CCSER1: variants seen among roughly 807,000 people sequenced by gnomAD.
The protein encoded by CCSER1 is coiled-coil serine rich protein 1, also known as serine-rich coiled-coil domain-containing protein 1.
In CCSER1, 41 loss-of-function variants were observed where a neutral mutation model predicts 82.0. The observed-to-expected ratio is 0.50, with a 90% CI of 0.39 to 0.65. The LOEUF is 0.65. CCSER1 is among the 30% of genes least tolerant of loss of function. The probability of loss-of-function intolerance (pLI) is 0.00; values close to 1 mark genes in which losing one functional copy is unlikely to be tolerated. For synonymous variants in CCSER1, 414 were observed against 383.9 expected (o/e 1.08, Z -0.92); for missense variants, 1,119 against 1,064.2 (o/e 1.05, Z -0.72).
chr4:91,327,620 T>C (rs1746663049), intron 10 of CCSER1, among the ~76,000 whole-genome samples: 1 of 152,258 alleles, frequency 6.6e-6, no homozygotes, highest in African/African-American at 2.4e-5. Flanking sequence ...TGCAAATTTC[T>C]GTAGTTGACT....
At chr4:90,624,949 A>T (rs573965099) in intron 5 of CCSER1, among the ~76,000 whole-genome samples, 1 of 152,234 alleles carries the variant, frequency 6.6e-6, no homozygotes, top group Admixed American at 6.5e-5. Context: ...TTTTGTTTGG[A>T]GTAGTTATGG....
chr4:90,372,008 A>C (rs78821298), intron 3 of CCSER1, among the ~76,000 whole-genome samples: 15,112 of 152,242 alleles, frequency 0.099, 927 homozygotes, highest in Middle Eastern at 0.17. Flanking sequence ...ATATTAACCC[A>C]TACCTGTGGT....
intron 5 of CCSER1, among the ~76,000 whole-genome samples, chr4:90,497,333 C>G (rs996481494): frequency 9.9e-5 from 15 of 152,036 alleles, no homozygotes; most frequent in Non-Finnish European, 1.6e-4. Flanking sequence ...AAAAAGAAGC[C>G]TGTTTGTATT....
At chr4:91,063,837 T>G (rs189466243) in intron 9 of CCSER1, among the ~76,000 whole-genome samples, 32 of 152,302 alleles carry the variant, frequency 2.1e-4, no homozygotes, top group African/African-American at 7.5e-4. Context: ...TGGAAAAGTT[T>G]TATTATTCCA....
chr4:90,460,347 T>TAAAAAAAAAAAAAAAAA (rs1762739392), intron 4 of CCSER1, among the ~76,000 whole-genome samples: 1 of 117,226 alleles, frequency 8.5e-6, no homozygotes, highest in African/African-American at 3.9e-5. Flanking sequence ...AAAAAAAAAC[T>TAAAAAAAAAAAAAAAAA]AAGGCAAGAA....
intron 5 of CCSER1, among the ~76,000 whole-genome samples, chr4:90,556,981 A>C (rs546038841): frequency 6.6e-6 from 1 of 152,020 alleles, no homozygotes; most frequent in East Asian, 1.9e-4. Flanking sequence ...AACATTCAAT[A>C]ACAACTTGTT....
chr4:91,581,365 T>G lies in CCSER1; in HGVS notation c.2218-17207T>G, dbSNP rs149312083. Among the ~76,000 whole-genome samples, 14 of 151,860 alleles carry G rather than the reference T, an allele frequency of 9.2e-5. No individual in the cohort carries two copies. The East Asian group carries it at 2.1e-3, about 23-fold the overall frequency. On this transcript the variant is annotated intron_variant, in intron 10 of 10. Transcript: ENST00000509176. The stretch of plus-strand genomic sequence containing the variant: ...GCAAATTTTGCCAGAAGGGCAGCAT[T>G]AGTTGATCAATAGGAGCAGATTCAG...
intron 8 of CCSER1, among the ~76,000 whole-genome samples, chr4:90,825,135 G>A (rs539905989): frequency 6.6e-6 from 1 of 152,232 alleles, no homozygotes; most frequent in African/African-American, 2.4e-5. Context: ...ATCACAAAGG[G>A]TTGTTATATT....
At chr4:90,795,363 G>A (rs61378472) in intron 7 of CCSER1, among the ~76,000 whole-genome samples, 52,795 of 151,628 alleles carry the variant, frequency 0.35, 9,560 homozygotes, top group African/African-American at 0.46. Context: ...AGACTTTGCT[G>A]AAGTTGTTTA....
chr4:90,996,185 A>T (rs1287012523), intron 9 of CCSER1, among the ~76,000 whole-genome samples: 1 of 152,138 alleles, frequency 6.6e-6, no homozygotes, highest in East Asian at 1.9e-4. Flanking sequence ...CTGTTAATAC[A>T]TGCCAAATCT....
chr4:91,038,571 A>G (rs1360208574), intron 9 of CCSER1, among the ~76,000 whole-genome samples: 1 of 152,194 alleles, frequency 6.6e-6, no homozygotes, highest in African/African-American at 2.4e-5. Flanking sequence ...GTAAACAACA[A>G]TTAATTTTAA....
intron 1 of CCSER1, among the ~76,000 whole-genome samples, chr4:90,214,214 G>A (rs1740594517): frequency 6.6e-6 from 1 of 152,160 alleles, no homozygotes; most frequent in Non-Finnish European, 1.5e-5. Flanking sequence ...GCAGTGGTAA[G>A]AAAGGGAGAT....
At chr4:90,763,801 C>T (rs571541078) in intron 7 of CCSER1, among the ~76,000 whole-genome samples, 1 of 152,254 alleles carries the variant, frequency 6.6e-6, no homozygotes, top group African/African-American at 2.4e-5. Flanking sequence ...ATGCCAGGAA[C>T]AAGCACTAGG....
chr4:90,366,848 T>C (rs1345688145), intron 3 of CCSER1, among the ~76,000 whole-genome samples: 1 of 151,848 alleles, frequency 6.6e-6, no homozygotes, highest in Admixed American at 6.6e-5. Context: ...GTAGGAGTCT[T>C]TTGTGATGGC....
At chr4:90,626,599 T>C (rs772422833) in intron 5 of CCSER1, among the ~76,000 whole-genome samples, 15 of 152,202 alleles carry the variant, frequency 9.9e-5, no homozygotes, top group Non-Finnish European at 2.1e-4. Flanking sequence ...TGCATGCTTG[T>C]TTTCCACACA....
chr4:90,278,038 C>G (rs899884106), intron 1 of CCSER1, among the ~76,000 whole-genome samples: 1 of 152,060 alleles, frequency 6.6e-6, no homozygotes, highest in Non-Finnish European at 1.5e-5. Flanking sequence ...AGACACTTCT[C>G]AAGAGAAGAC....
At chr4:90,160,469 G>T (rs1729231064) in intron 1 of CCSER1, among the ~76,000 whole-genome samples, 1 of 152,174 alleles carries the variant, frequency 6.6e-6, no homozygotes, top group African/African-American at 2.4e-5. Context: ...CAGTGACAAA[G>T]AATGCAGTAG....
intron 9 of CCSER1, among the ~76,000 whole-genome samples, chr4:91,011,593 G>A (rs1739010074): frequency 7.4e-6 from 1 of 134,518 alleles, no homozygotes; most frequent in African/African-American, 2.5e-5. Flanking sequence ...GGGCTCAGAG[G>A]ACCAGGTTGT....
chr4:90,688,732 A>G (rs576405071), intron 6 of CCSER1, among the ~76,000 whole-genome samples: 51 of 152,268 alleles, frequency 3.3e-4, no homozygotes, highest in African/African-American at 1.1e-3. Flanking sequence ...TAATAAACAC[A>G]CTTAACTGAT....
Sources: allele counts gnomAD v4.1 joint callset (sites outside exome capture counted in the v4.1 genomes callset), GRCh38; gene constraint gnomAD v4.1.1; transcripts MANE v1.5; gene names NCBI Gene and HGNC (gene_info 2026-07-23, HGNC 2026-07-21).